Variants in PTPRD observed in about 807,000 individuals in gnomAD.
PTPRD encodes the protein protein tyrosine phosphatase receptor type D, also known as receptor-type tyrosine-protein phosphatase delta.
In PTPRD, 34 loss-of-function variants were observed where a neutral mutation model predicts 214.5. That is an observed-to-expected ratio of 0.16 (90% CI 0.12 to 0.21). The LOEUF (loss-of-function observed/expected upper bound fraction) is 0.21, where lower values mean the gene tolerates loss of function less well. Ranked by LOEUF, PTPRD falls within the 10% of genes least tolerant of loss-of-function variation. The pLI is 1.00. For synonymous variants in PTPRD, 1,128 were observed against 845.7 expected, an observed-to-expected ratio of 1.33 and a Z score of -5.79; for missense variants, 2,545 against 2,398.7, an observed-to-expected ratio of 1.06 and a Z score of -1.27.
intron 9 of PTPRD, among the ~76,000 whole-genome samples, chr9:9,327,107 G>A (rs1218939060): frequency 6.6e-6 from 1 of 152,120 alleles, no homozygotes; most frequent in East Asian, 1.9e-4. Context: ...ATCATATATA[G>A]ATTCCTGGGC....
At chr9:10,183,176 T>C (rs2099310624) in intron 3 of PTPRD, among the ~76,000 whole-genome samples, 1 of 152,074 alleles carries the variant, frequency 6.6e-6, no homozygotes, top group Non-Finnish European at 1.5e-5. Flanking sequence ...GTGTTTGCCA[T>C]TTTTTTAAAG....
intron 2 of PTPRD, among the ~76,000 whole-genome samples, chr9:10,469,246 G>A (rs545218729): frequency 1.3e-5 from 2 of 152,088 alleles, no homozygotes; most frequent in Non-Finnish European, 2.9e-5. Flanking sequence ...AGAATATTCA[G>A]CACTTTTTCA....
At chr9:8,353,910 G>GTATATATGTATATATGTATATATGTA (rs1564201731) in intron 39 of PTPRD, among the ~76,000 whole-genome samples, 7 of 100,748 alleles carry the variant, frequency 6.9e-5, no homozygotes, top group Non-Finnish European at 1.5e-4. Flanking sequence ...GTATATATGT[G>GTATATATGTATATATGTATATATGTA]TATATATGTA....
At chr9:8,806,993 T>C (rs2096697769) in intron 11 of PTPRD, among the ~76,000 whole-genome samples, 1 of 152,112 alleles carries the variant, frequency 6.6e-6, no homozygotes. Context: ...CCATCACAAT[T>C]ACAGTGACAA....
chr9:9,987,343 C>A (rs887448345), intron 4 of PTPRD, among the ~76,000 whole-genome samples: 1 of 152,042 alleles, frequency 6.6e-6, no homozygotes, highest in African/African-American at 2.4e-5. Context: ...GGAGACTGGG[C>A]AATTTACAGA....
intron 39 of PTPRD, among the ~76,000 whole-genome samples, chr9:8,373,856 G>GTGTGTA (rs1330039223): frequency 2.3e-5 from 2 of 86,576 alleles, no homozygotes; most frequent in Admixed American, 1.7e-4. Context: ...ATGTGTATGT[G>GTGTGTA]TCTGTCTGTC....
chr9:10,090,919 T>C (rs408245), intron 3 of PTPRD, among the ~76,000 whole-genome samples: 10,757 of 99,566 alleles, frequency 0.11, 484 homozygotes, highest in Middle Eastern at 0.16. Context: ...AAATGAAATA[T>C]ACACACACAC....
intron 10 of PTPRD, among the ~76,000 whole-genome samples, chr9:9,137,153 G>A (rs544136108): frequency 4.4e-4 from 67 of 152,266 alleles, no homozygotes; most frequent in Admixed American, 3.5e-3. Flanking sequence ...ATCAAGTAAG[G>A]CAAATTGCTA....
chr9:9,413,077 A>T (rs1324876968), intron 8 of PTPRD, among the ~76,000 whole-genome samples: 2 of 147,342 alleles, frequency 1.4e-5, no homozygotes, highest in East Asian at 3.9e-4. Flanking sequence ...TGGGCAAACA[A>T]GTTATAAAAT....
At chr9:9,270,420 T>A (rs1007697575) in intron 9 of PTPRD, among the ~76,000 whole-genome samples, 1 of 151,196 alleles carries the variant, frequency 6.6e-6, no homozygotes, top group African/African-American at 2.4e-5. Flanking sequence ...CAAGCCAATG[T>A]TGGGAAAAAG....
At chr9:10,487,608 G>T (rs749779996) in intron 2 of PTPRD, among the ~76,000 whole-genome samples, 4 of 151,816 alleles carry the variant, frequency 2.6e-5, no homozygotes, top group Non-Finnish European at 5.9e-5. Flanking sequence ...AGGAAGAGAA[G>T]ACCAAATACG....
intron 4 of PTPRD, among the ~76,000 whole-genome samples, chr9:9,950,496 G>A (rs1379183310): frequency 8.7e-5 from 3 of 34,668 alleles, no homozygotes; most frequent in Non-Finnish European, 1.2e-4. Flanking sequence ...AGGCCGAGGC[G>A]GGCGGATCAC....
At chr9:9,616,311 G>C (rs1319985520) in intron 7 of PTPRD, among the ~76,000 whole-genome samples, 1 of 152,126 alleles carries the variant, frequency 6.6e-6, no homozygotes, top group Admixed American at 6.5e-5. Flanking sequence ...TCCATGCCCT[G>C]TGTTTTTATT....
intron 21 of PTPRD, among the ~76,000 whole-genome samples, chr9:8,510,017 C>G (rs1194469234): frequency 1.3e-5 from 2 of 152,160 alleles, no homozygotes; most frequent in African/African-American, 2.4e-5. Flanking sequence ...GGCATGGTAA[C>G]TCACATCTGT....
At chr9:10,002,515 C>T (rs1588623248) in intron 4 of PTPRD, among the ~76,000 whole-genome samples, 1 of 150,306 alleles carries the variant, frequency 6.7e-6, no homozygotes, top group African/African-American at 2.4e-5. Flanking sequence ...AAAACTGTTA[C>T]CAAAAGAAAA....
At chr9:10,129,904 G>T (rs189350095) in intron 3 of PTPRD, among the ~76,000 whole-genome samples, 1 of 151,650 alleles carries the variant, frequency 6.6e-6, no homozygotes, top group Non-Finnish European at 1.5e-5. Flanking sequence ...AATAAAAATG[G>T]TAGTTTGGTT....
intron 8 of PTPRD, among the ~76,000 whole-genome samples, chr9:9,570,632 C>A (rs765531306): frequency 2.6e-5 from 4 of 151,682 alleles, no homozygotes; most frequent in Non-Finnish European, 5.9e-5. Flanking sequence ...TAGAACCAAT[C>A]TTCAAGACAG....
chr9:8,847,308 ATTC>A (rs2097717606), intron 11 of PTPRD, among the ~76,000 whole-genome samples: 1 of 152,060 alleles, frequency 6.6e-6, no homozygotes, highest in Non-Finnish European at 1.5e-5. Context: ...TAAACTTATC[ATTC>A]TTAATTTATA....
At chr9:9,419,784 A>T (rs1015736986) in intron 8 of PTPRD, among the ~76,000 whole-genome samples, 2 of 151,824 alleles carry the variant, frequency 1.3e-5, no homozygotes, top group Admixed American at 1.3e-4. Context: ...AGATGACTGC[A>T]AGGAAAACAA....
Sources: allele counts gnomAD v4.1 joint callset (sites outside exome capture counted in the v4.1 genomes callset), GRCh38; gene constraint gnomAD v4.1.1; transcripts MANE v1.5; gene names NCBI Gene and HGNC (gene_info 2026-07-23, HGNC 2026-07-21).